The following OSBPL1A variants were observed in gnomAD, a reference collection of about 807,000 sequenced individuals.
OSBPL1A encodes oxysterol binding protein like 1A, also known as oxysterol-binding protein-related protein 1.
In OSBPL1A, 80 loss-of-function variants were observed where a neutral mutation model predicts 137.1. The ratio of observed to expected loss-of-function variants is 0.58; its 90% confidence interval spans 0.49 to 0.70. The LOEUF is 0.70. Among genes scored for constraint, OSBPL1A ranks in the 30% least tolerant of loss-of-function variants. The pLI is 0.00. For missense variants in OSBPL1A, 970 were observed against 1,129.4 expected, an observed-to-expected ratio of 0.86 and a Z score of 2.02; for synonymous variants, 365 against 389.7, an observed-to-expected ratio of 0.94 and a Z score of 0.75.
intron 14 of OSBPL1A, among the ~76,000 whole-genome samples, chr18:24,299,157 T>G (rs2090351205): frequency 6.7e-6 from 1 of 148,734 alleles, no homozygotes; most frequent in African/African-American, 2.5e-5. Context: ...CAGAAGACAT[T>G]TGGTTTGTGA....
chr18:24,251,903 AT>A (rs1330428691), intron 15 of OSBPL1A, among the ~76,000 whole-genome samples: 7 of 152,216 alleles, frequency 4.6e-5, no homozygotes, highest in Admixed American at 3.3e-4. Context: ...TCAAGCAGAA[AT>A]TCTAGAGTTG....
chr18:24,283,731 A>C lies in OSBPL1A; in HGVS notation c.1175-2783T>G, dbSNP rs151090451. On this transcript the variant is annotated intron_variant, in intron 14 of 27. Transcript: ENST00000319481. ...AGTAATTTTCCACTTTCAGGGCATAAATGGCAGGAAGATAGAAGCATAACC... is the reference window on the plus strand; with the variant it reads ...AGTAATTTTCCACTTTCAGGGCATACATGGCAGGAAGATAGAAGCATAACC... Among the ~76,000 whole-genome samples the C allele has an allele frequency of 4.6e-3, 698 of 152,242 alleles. 4 individuals are homozygous for C. The highest frequency in any genetic ancestry group is 0.016 in the African/African-American group (671 of 41,524).
chr18:24,310,060 A>G (rs867835242), intron 13 of OSBPL1A, among the ~76,000 whole-genome samples: 30 of 143,140 alleles, frequency 2.1e-4, no homozygotes, highest in South Asian at 2.0e-3. Context: ...AAAAAAAAAA[A>G]GAAAAAAAAA....
intron 2 of OSBPL1A, among the ~76,000 whole-genome samples, chr18:24,376,839 TGCCAGGGGCC>T (rs1906195568): frequency 6.6e-6 from 1 of 152,176 alleles, no homozygotes; most frequent in Non-Finnish European, 1.5e-5. Flanking sequence ...AGCTCCTCAT[TGCCAGGGGCC>T]GACAGGGCCG....
intron 1 of OSBPL1A, among the ~76,000 whole-genome samples, chr18:24,388,474 T>C (rs376034928): frequency 2.6e-5 from 4 of 151,900 alleles, no homozygotes; most frequent in African/African-American, 9.7e-5. Context: ...GTTTTTTTTT[T>C]CTAATAAGCC....
At chr18:24,171,702 C>T (rs772066472) in intron 22 of OSBPL1A, among the ~76,000 whole-genome samples, 14 of 152,168 alleles carry the variant, frequency 9.2e-5, no homozygotes, top group Non-Finnish European at 1.5e-4. Context: ...AGAAAGAATA[C>T]ATGACTTGCC....
At chr18:24,283,663 AACAGAC>A (rs1356593489) in intron 14 of OSBPL1A, among the ~76,000 whole-genome samples, 1 of 152,154 alleles carries the variant, frequency 6.6e-6, no homozygotes, top group Non-Finnish European at 1.5e-5. Flanking sequence ...TACCAGGAGA[AACAGAC>A]ACAGCCTATC....
At chr18:24,250,905 A>G (rs2089068159) in intron 15 of OSBPL1A, among the ~76,000 whole-genome samples, 1 of 152,168 alleles carries the variant, frequency 6.6e-6, no homozygotes, top group Admixed American at 6.5e-5. Flanking sequence ...CAGGCCTAGT[A>G]GCATTCACCA....
At chr18:24,323,409 A>AGGTGCGGTG (rs1568027504) in intron 7 of OSBPL1A, among the ~76,000 whole-genome samples, 6 of 31,488 alleles carry the variant, frequency 1.9e-4, no homozygotes, top group African/African-American at 1.5e-3. Flanking sequence ...AAAAATTAGC[A>AGGTGCGGTG]GAGACGGGGT....
At chr18:24,175,304 G>A (rs1213386028) in intron 21 of OSBPL1A, among the ~76,000 whole-genome samples, 1 of 151,430 alleles carries the variant, frequency 6.6e-6, no homozygotes, top group Non-Finnish European at 1.5e-5. Context: ...TCCCACCTGA[G>A]CCTCCCAAGC....
intron 17 of OSBPL1A, among the ~76,000 whole-genome samples, chr18:24,205,491 T>C (rs926533710): frequency 6.6e-6 from 1 of 152,228 alleles, no homozygotes; most frequent in Non-Finnish European, 1.5e-5. Context: ...ACAATACACA[T>C]TCACCCCATA....
chr18:24,298,815 G>A (rs1456486067), intron 14 of OSBPL1A, among the ~76,000 whole-genome samples: 1 of 152,186 alleles, frequency 6.6e-6, no homozygotes, highest in Non-Finnish European at 1.5e-5. Context: ...GCCTAGTGCT[G>A]TCAGTGGAGG....
intron 17 of OSBPL1A, among the ~76,000 whole-genome samples, chr18:24,204,309 A>G (rs1359980385): frequency 6.6e-6 from 1 of 152,188 alleles, no homozygotes; most frequent in Non-Finnish European, 1.5e-5. Flanking sequence ...CATTTTTCAT[A>G]TGCTTAATGA....
At chr18:24,349,964 T>C (rs2091410224) in intron 4 of OSBPL1A, among the ~76,000 whole-genome samples, 2 of 152,210 alleles carry the variant, frequency 1.3e-5, no homozygotes. Flanking sequence ...TATGCAGCAA[T>C]AGAAACCTAA....
At chr18:24,267,314 A>AG (rs2089603858) in intron 15 of OSBPL1A, among the ~76,000 whole-genome samples, 1 of 152,078 alleles carries the variant, frequency 6.6e-6, no homozygotes, top group Admixed American at 6.6e-5. Flanking sequence ...AGTTAAAAAA[A>AG]AAACTTTACA....
At chr18:24,178,225 A>T in intron 20 of OSBPL1A, 30 bp from the exon 21 acceptor site, 1 of 1,498,312 alleles carries the variant, frequency 6.7e-7, no homozygotes, top group Non-Finnish European at 9.0e-7. Flanking sequence ...AAAAAAGAAA[A>T]AAAAAAGCAA....
Position 24,303,710 on chromosome 18 carries a change from CTG to C in OSBPL1A, c.1099_1100del (p.Gln367ValfsTer8). On this transcript the variant is annotated frameshift_variant, in exon 14 of 28. Coordinates refer to ENST00000319481, the MANE Select transcript of OSBPL1A (RefSeq NM_080597.4). LOFTEE classifies it high-confidence loss of function. ...CCCTATCTAGTCGCTGTTGGCATGA[CTG>C]TGCTTTCTGCAAAAAAAGAAAAGAC... is the stretch of plus-strand genomic sequence containing the variant. ...ADLKKSLEKA[Q>X]SCQQRLDREI... The C allele has an allele frequency of 6.2e-7, 1 of 1,612,512 alleles. No homozygotes were observed. Among genetic ancestry groups the C allele is most frequent in the East Asian group, 2.2e-5 (1 of 44,752 alleles).
At chr18:24,352,177 G>A (rs1462476060) in intron 4 of OSBPL1A, among the ~76,000 whole-genome samples, 2 of 152,056 alleles carry the variant, frequency 1.3e-5, no homozygotes, top group South Asian at 2.1e-4. Context: ...ATGGTGGCAT[G>A]AGCCTGTAGT....
At chr18:24,292,434 T>G (rs1235695651) in intron 14 of OSBPL1A, among the ~76,000 whole-genome samples, 1 of 152,118 alleles carries the variant, frequency 6.6e-6, no homozygotes, top group Non-Finnish European at 1.5e-5. Context: ...TGACAGAAAT[T>G]TATTGTTTCT....
Sources: gnomAD v4.1 joint callset for allele counts (sites outside exome capture counted in the v4.1 genomes callset) on GRCh38, gnomAD v4.1.1 for gene constraint, MANE v1.5 for transcripts, NCBI Gene and HGNC (gene_info 2026-07-23, HGNC 2026-07-21) for gene names.